ADAM12: variants seen among roughly 807,000 people sequenced by gnomAD.
ADAM12 encodes ADAM metallopeptidase domain 12, also known as disintegrin and metalloproteinase domain-containing protein 12.
A neutral mutation model predicts 106.4 loss-of-function variants in ADAM12; 70 were observed. The observed-to-expected ratio is 0.66, with a 90% CI of 0.54 to 0.80. The LOEUF is 0.80. Ranked by LOEUF, ADAM12 falls within the 30% of genes least tolerant of loss-of-function variation. The pLI is 0.00. For synonymous variants in ADAM12, 420 were observed against 433.5 expected (o/e 0.97, Z 0.39); for missense variants, 1,010 against 1,171.9 (o/e 0.86, Z 2.02).
At chr10:126,279,795 C>T (rs1386175701) in intron 2 of ADAM12, among the ~76,000 whole-genome samples, 1 of 151,936 alleles carries the variant, frequency 6.6e-6, no homozygotes, top group African/African-American at 2.4e-5. Context: ...AGAACAGGCA[C>T]CACAAACTCA....
chr10:126,198,593 C>T (rs1184575881), intron 3 of ADAM12, among the ~76,000 whole-genome samples: 2 of 152,216 alleles, frequency 1.3e-5, no homozygotes, highest in Non-Finnish European at 1.5e-5. Flanking sequence ...AGAGATCCAG[C>T]ACCTCCCCTG....
intron 1 of ADAM12, among the ~76,000 whole-genome samples, chr10:126,371,582 A>T (rs1344024629): frequency 6.6e-6 from 1 of 152,212 alleles, no homozygotes; most frequent in African/African-American, 2.4e-5. Context: ...GGATGTTCTA[A>T]ATGTGTACTG....
At position 126,330,164 on chromosome 10, in the gene ADAM12, C is replaced by T. The variant is rs1295333471; in HGVS notation, c.186+248G>A. On this transcript the variant is annotated intron_variant, in intron 2 of 22. Coordinates refer to ENST00000448723, the MANE Select transcript of ADAM12 (RefSeq NM_001288973.2). The stretch of plus-strand genomic sequence containing the variant: ...GAACATGGAAGTTGTATATCTGGGA[C>T]TGTAACCCCTGGTTTTTGTTCAAAA... Among the ~76,000 whole-genome samples the T allele has an allele frequency of 2.0e-5, 3 of 152,314 alleles. No individual in the cohort carries two copies. In the South Asian group the frequency reaches 6.2e-4, roughly 32 times the overall value.
intron 2 of ADAM12, among the ~76,000 whole-genome samples, chr10:126,325,011 A>G (rs12248095): frequency 0.038 from 5,828 of 152,224 alleles, 385 homozygotes; most frequent in African/African-American, 0.13. Flanking sequence ...GTAGACCATG[A>G]GGTCACAGTT....
At chr10:126,245,721 G>A (rs1270687233) in intron 3 of ADAM12, among the ~76,000 whole-genome samples, 3 of 151,780 alleles carry the variant, frequency 2.0e-5, no homozygotes, top group Non-Finnish European at 4.4e-5. Context: ...AGTCAGGGCA[G>A]GGGGCTCCTC....
intron 5 of ADAM12, among the ~76,000 whole-genome samples, chr10:126,123,711 G>A (rs529693413): frequency 1.1e-4 from 16 of 152,296 alleles, no homozygotes; most frequent in African/African-American, 2.9e-4. Context: ...TGTGTGCCCC[G>A]GGCTTGGGCC....
chr10:126,133,059 A>G (rs1011745993), intron 5 of ADAM12, among the ~76,000 whole-genome samples: 2 of 151,956 alleles, frequency 1.3e-5, no homozygotes, highest in Non-Finnish European at 2.9e-5. Context: ...TCCTGATCCA[A>G]ATCTCTTCCA....
intron 3 of ADAM12, among the ~76,000 whole-genome samples, chr10:126,170,649 G>A (rs1957103839): frequency 6.6e-6 from 1 of 152,008 alleles, no homozygotes. Flanking sequence ...ACCGTGTCTG[G>A]GACAAGGAAG....
At chr10:126,356,085 C>G (rs1564752356) in intron 1 of ADAM12, among the ~76,000 whole-genome samples, 1 of 152,204 alleles carries the variant, frequency 6.6e-6, no homozygotes, top group Admixed American at 6.5e-5. Flanking sequence ...AACCTCAAAG[C>G]CTACCCTAAG....
chr10:126,082,427 G>A (rs1004411610), intron 11 of ADAM12, among the ~76,000 whole-genome samples: 2 of 135,386 alleles, frequency 1.5e-5, no homozygotes, highest in African/African-American at 5.6e-5. Context: ...GGAGTTCAGT[G>A]GTGCGATCTC....
At chr10:126,362,804 T>C (rs907531551) in intron 1 of ADAM12, among the ~76,000 whole-genome samples, 26 of 152,146 alleles carry the variant, frequency 1.7e-4, no homozygotes, top group African/African-American at 5.5e-4. Context: ...GAGGAGATGA[T>C]GGTTAAAGGG....
chr10:126,378,909 TAAA>T (rs1856393106), intron 1 of ADAM12, among the ~76,000 whole-genome samples: 2 of 152,206 alleles, frequency 1.3e-5, no homozygotes, highest in Admixed American at 1.3e-4. Context: ...GATTTTAGCT[TAAA>T]AGTTTTACTT....
intron 22 of ADAM12, among the ~76,000 whole-genome samples, chr10:126,019,373 A>ATGCTACTTGGTAGCTCCTCTTTTTC (rs1364980511): frequency 6.8e-6 from 1 of 147,106 alleles, no homozygotes; most frequent in Non-Finnish European, 1.5e-5. Flanking sequence ...TCATACTGTC[A>ATGCTACTTGGTAGCTCCTCTTTTTC]TGCTACTTGG....
intron 1 of ADAM12, among the ~76,000 whole-genome samples, chr10:126,350,670 G>C (rs1461859577): frequency 6.6e-6 from 1 of 152,252 alleles, no homozygotes; most frequent in East Asian, 1.9e-4. Flanking sequence ...CCAGGCACTT[G>C]ACAGATTACA....
chr10:126,068,212 C>T, intron 12 of ADAM12, among the ~76,000 whole-genome samples: 1 of 152,098 alleles, frequency 6.6e-6, no homozygotes, highest in South Asian at 2.1e-4. Flanking sequence ...AAAAAGTAGT[C>T]CATTAATTGC....
intron 3 of ADAM12, among the ~76,000 whole-genome samples, chr10:126,263,055 GT>G (rs1565176293): frequency 6.6e-6 from 1 of 152,176 alleles, no homozygotes; most frequent in Non-Finnish European, 1.5e-5. Flanking sequence ...CTCGCTCAGG[GT>G]TTCCTGGTTC....
chr10:126,093,942 A>G, intron 11 of ADAM12, 43 bp downstream of exon 11: 1 of 1,608,678 alleles, frequency 6.2e-7, no homozygotes, highest in East Asian at 2.2e-5. Flanking sequence ...ACACACTTCA[A>G]GCCATGCACA....
chr10:126,118,953 A>G (rs551482090), intron 5 of ADAM12, among the ~76,000 whole-genome samples: 1 of 152,346 alleles, frequency 6.6e-6, no homozygotes, highest in East Asian at 1.9e-4. Flanking sequence ...ATCTTTTTAT[A>G]AAAGGACAAT....
chr10:126,302,535 G>A (rs1309430398), intron 2 of ADAM12, among the ~76,000 whole-genome samples: 1 of 152,186 alleles, frequency 6.6e-6, no homozygotes, highest in Non-Finnish European at 1.5e-5. Flanking sequence ...CCTTTCGTGA[G>A]GACACTTAGG....
Sources: allele counts gnomAD v4.1 joint callset (sites outside exome capture counted in the v4.1 genomes callset), GRCh38; gene constraint gnomAD v4.1.1; transcripts MANE v1.5; gene names NCBI Gene and HGNC (gene_info 2026-07-23, HGNC 2026-07-21).